NPHP4: variants seen among roughly 807,000 people sequenced by gnomAD.
NPHP4 encodes the protein nephrocystin-4.
NPHP4 carries 151 observed loss-of-function variants against 155.8 expected under a neutral mutation model. That is an observed-to-expected ratio of 0.97 (90% confidence interval 0.85 to 1.11). The LOEUF (loss-of-function observed/expected upper bound fraction) is 1.11, where lower values mean the gene tolerates loss of function less well. Ranked by LOEUF, NPHP4 falls within the 50% of genes least tolerant of loss-of-function variation. NPHP4 has a pLI of 0.00. For missense variants in NPHP4, 1,956 were observed against 1,925.7 expected, an observed-to-expected ratio of 1.02 and a Z score of -0.29; for synonymous variants, 845 against 816.8, an observed-to-expected ratio of 1.03 and a Z score of -0.59.
At chr1:5,934,131 C>A (rs753265288) in intron 9 of NPHP4, among the ~76,000 whole-genome samples, 2 of 152,194 alleles carry the variant, frequency 1.3e-5, no homozygotes, top group Non-Finnish European at 2.9e-5. Flanking sequence ...CAAAGTCCAG[C>A]AGAGCCACCT....
chr1:5,885,262 C>A (rs1012809073), intron 18 of NPHP4, among the ~76,000 whole-genome samples: 1 of 151,062 alleles, frequency 6.6e-6, no homozygotes, highest in Non-Finnish European at 1.5e-5. Context: ...ACCCGTCCTA[C>A]TCCGCAACCA....
chr1:5,923,253 AACAGTGATCAGATTG>A (rs1645836735), intron 11 of NPHP4, among the ~76,000 whole-genome samples: 1 of 152,228 alleles, frequency 6.6e-6, no homozygotes, highest in South Asian at 2.1e-4. Flanking sequence ...CAAGAAGAGT[AACAGTGATCAGATTG>A]ACCCTCCCAT....
intron 3 of NPHP4, among the ~76,000 whole-genome samples, chr1:5,976,564 A>G (rs1653627747): frequency 6.6e-6 from 1 of 152,202 alleles, no homozygotes; most frequent in African/African-American, 2.4e-5. Context: ...ACAGCACTCT[A>G]AGGGTTCATC....
chr1:5,961,690 G>A (rs925641089), intron 6 of NPHP4, 104 bp downstream of exon 6: 15 of 1,102,896 alleles, frequency 1.4e-5, no homozygotes, highest in Admixed American at 6.0e-5. Flanking sequence ...GCAGAGGGGC[G>A]CTCGGCCCAC....
At chr1:5,954,952 G>A (rs1244675820) in intron 6 of NPHP4, among the ~76,000 whole-genome samples, 1 of 151,720 alleles carries the variant, frequency 6.6e-6, no homozygotes, top group Admixed American at 6.6e-5. Context: ...CTGCACAATG[G>A]GAGAAAATAT....
At chr1:5,959,489 G>A (rs192683773) in intron 6 of NPHP4, among the ~76,000 whole-genome samples, 129 of 152,290 alleles carry the variant, frequency 8.5e-4, no homozygotes, top group Non-Finnish European at 1.0e-3. Context: ...GGGGCACCAC[G>A]GCTTCTCATT....
intron 19 of NPHP4, chr1:5,879,662 G>A (rs750123525): frequency 5.9e-6 from 3 of 512,318 alleles, no homozygotes; most frequent in Non-Finnish European, 1.2e-5. Context: ...TCAATGTGGT[G>A]GCTCGGTGGG....
At position 5,934,217 on chromosome 1, in the gene NPHP4, G is replaced by A. The variant is rs528302001; in HGVS notation, c.1120-888C>T. Among the ~76,000 whole-genome samples the A allele has an allele frequency of 5.3e-5, 8 of 152,260 alleles. No homozygotes were observed. The East Asian group carries it at 1.5e-3, about 29-fold the overall frequency. On this transcript the variant is annotated intron_variant, in intron 9 of 29. Transcript: ENST00000378156. Reference sequence around the variant, plus strand: ...CAGATCCTGCAGGCTCCCCTGGTGGGTGGAGCACACTTAAGTCACCAGGAA... The same window carrying A: ...CAGATCCTGCAGGCTCCCCTGGTGGATGGAGCACACTTAAGTCACCAGGAA...
At position 5,939,657 on chromosome 1, in the gene NPHP4, C is replaced by T. The variant is rs138910743; in HGVS notation, c.1120-6328G>A. ...CCAGCATCCACTGCAGTGGGCACTG[C>T]CCTTCCACAAGGCCTGGCTCCAGGA... On this transcript the variant is annotated intron_variant, in intron 9 of 29. Coordinates refer to ENST00000378156, the MANE Select transcript of NPHP4 (RefSeq NM_015102.5). 5.9e-3 allele frequency among the ~76,000 whole-genome samples: 903 copies of T among 152,346 alleles called. 10 individuals are homozygous for T. Among genetic ancestry groups the T allele is most frequent in the African/African-American group, 0.019 (803 of 41,588 alleles).
At chr1:5,866,678 C>T (rs1294957502) in intron 25 of NPHP4, among the ~76,000 whole-genome samples, 2 of 152,212 alleles carry the variant, frequency 1.3e-5, no homozygotes, top group African/African-American at 2.4e-5. Flanking sequence ...TTAGATTCTA[C>T]AGGAGATTTT....
intron 10 of NPHP4, among the ~76,000 whole-genome samples, chr1:5,931,095 T>G (rs928699307): frequency 6.6e-6 from 1 of 152,188 alleles, no homozygotes; most frequent in Non-Finnish European, 1.5e-5. Context: ...CCCACTCCAG[T>G]TTTCTTTTAG....
chr1:5,897,484 A>G (rs943883061), intron 16 of NPHP4, among the ~76,000 whole-genome samples: 3 of 152,220 alleles, frequency 2.0e-5, no homozygotes, highest in Non-Finnish European at 2.9e-5. Flanking sequence ...TGAAGTGTTC[A>G]TGCTGAGATC....
At chr1:5,903,706 C>A (rs1644781014) in intron 16 of NPHP4, among the ~76,000 whole-genome samples, 1 of 152,178 alleles carries the variant, frequency 6.6e-6, no homozygotes, top group Non-Finnish European at 1.5e-5. Flanking sequence ...TATTATCCAG[C>A]CTTTCCTATA....
In NPHP4 at chr1:5,910,755, G is replaced by A. The variant is rs149022332; in HGVS notation, c.1442-1542C>T. Among the ~76,000 whole-genome samples the A allele has an allele frequency of 3.0e-3, 452 of 152,302 alleles. 9 individuals are homozygous for A. The highest frequency in any genetic ancestry group is 0.011 in the East Asian group (57 of 5,188). On this transcript the variant is annotated intron_variant, in intron 11 of 29. Coordinates refer to ENST00000378156, the MANE Select transcript of NPHP4 (RefSeq NM_015102.5). The surrounding 1 kb of genome is among the most constrained non-coding windows in gnomAD (Gnocchi z 5.4). ...TGCCGCCCTAACACCAGAGCTGCAC[G>A]ACCATCGGAGCCAATCCCCGCCGTG... is the stretch of plus-strand genomic sequence containing the variant.
intron 3 of NPHP4, among the ~76,000 whole-genome samples, chr1:5,976,998 C>G (rs1180394525): frequency 1.3e-5 from 2 of 152,140 alleles, no homozygotes; most frequent in African/African-American, 4.8e-5. Context: ...AATACCAGGC[C>G]TCTTGGGGCC....
intron 20 of NPHP4, among the ~76,000 whole-genome samples, chr1:5,875,686 T>C (rs1470382374): frequency 6.6e-6 from 1 of 152,204 alleles, no homozygotes; most frequent in African/African-American, 2.4e-5. Flanking sequence ...CTGGCCTGTT[T>C]TTCCTGTGGG....
rs773365975 is a variant in NPHP4 at position 5,944,940 on chromosome 1, G to A, written c.1119+2164C>T. ...AGCCGAGATCGCGCCACTGAGGGGC[G>A]ACAGAGTGAGACTCTGTCTCGAAAA... On this transcript the variant is annotated intron_variant, in intron 9 of 29. Transcript: ENST00000378156. This position sits in a 1 kb window ranked among gnomAD's most constrained non-coding sequence, Gnocchi z 4.3. 1.4e-4 allele frequency among the ~76,000 whole-genome samples: 22 copies of A among 152,102 alleles called. No homozygotes were observed. Among genetic ancestry groups the A allele is most frequent in the Non-Finnish European group, 2.4e-4 (16 of 68,020 alleles).
chr1:5,887,603 T>G, intron 17 of NPHP4, 137 bp from the exon 18 acceptor site: 1 of 828,212 alleles, frequency 1.2e-6, no homozygotes, highest in Non-Finnish European at 1.9e-6. Flanking sequence ...GATAAGACCC[T>G]GCACCACGCT....
chr1:5,866,693 G>A (rs1433381193), intron 25 of NPHP4, among the ~76,000 whole-genome samples: 1 of 152,072 alleles, frequency 6.6e-6, no homozygotes, highest in Non-Finnish European at 1.5e-5. Context: ...GATTTTATCC[G>A]GTTTCCTAAC....
Sources: gnomAD v4.1 joint callset for allele counts (sites outside exome capture counted in the v4.1 genomes callset) on GRCh38, gnomAD v4.1.1 for gene constraint, Gnocchi (gnomAD v3.1) non-coding constraint, MANE v1.5 for transcripts, NCBI Gene and HGNC (gene_info 2026-07-23, HGNC 2026-07-21) for gene names.